The following PCDHGB3 variants were observed in gnomAD, a reference collection of about 807,000 sequenced individuals.
The protein encoded by PCDHGB3 is protocadherin gamma subfamily B, 3.
Under a neutral mutation model 59.2 loss-of-function variants are expected in PCDHGB3, and 40 were observed. The observed-to-expected ratio is 0.68, with a 90% CI of 0.52 to 0.88. The LOEUF is 0.88. Among genes scored for constraint, PCDHGB3 ranks in the 40% least tolerant of loss-of-function variants. The probability of loss-of-function intolerance (pLI) is 0.00; values close to 1 mark genes in which losing one functional copy is unlikely to be tolerated. For missense variants in PCDHGB3, 1,309 were observed against 1,187.9 expected (o/e 1.10, Z -1.50); for synonymous variants, 581 against 503.6 (o/e 1.15, Z -2.06).
At chr5:141,472,620 A>G (rs2099290656) in intron 1 of PCDHGB3, among the ~76,000 whole-genome samples, 1 of 152,136 alleles carries the variant, frequency 6.6e-6, no homozygotes, top group Admixed American at 6.5e-5. Context: ...AGAAGAAAAA[A>G]GATAAAGACT....
chr5:141,416,996 C>T (rs1280099812), intron 1 of PCDHGB3: 1 of 151,012 alleles, frequency 6.6e-6, no homozygotes. Flanking sequence ...GTGCATTCAT[C>T]TCAAATAATT....
chr5:141,440,959 G>A (rs1313315196), intron 1 of PCDHGB3: 1 of 152,216 alleles, frequency 6.6e-6, no homozygotes, highest in Non-Finnish European at 1.5e-5. Flanking sequence ...TCAAGGCAGA[G>A]ATCACATATG....
chr5:141,376,574 G>A, intron 1 of PCDHGB3: 12 of 1,598,206 alleles, frequency 7.5e-6, no homozygotes, highest in Non-Finnish European at 1.0e-5. Context: ...AATCAGACAG[G>A]CTCATCAGCT....
In PCDHGB3 at chr5:141,491,786, C is replaced by T; in HGVS notation, c.2416-3021C>T. The stretch of plus-strand genomic sequence containing the variant: ...CCTCATAAGGGATTGAACTTGCATC[C>T]ACTCCTCTCCGGCCGGCTTGGTCGC... On this transcript the variant is annotated intron_variant, in intron 1 of 3. Coordinates refer to ENST00000576222, the MANE Select transcript of PCDHGB3 (RefSeq NM_018924.5). This position sits in a 1 kb window ranked among gnomAD's most constrained non-coding sequence, Gnocchi z 6.9. The T allele has an allele frequency of 1.3e-6, 2 of 1,529,640 alleles. No individual in the cohort carries two copies. The highest frequency in any genetic ancestry group is 2.5e-5 in the South Asian group (2 of 80,832). The allele number at this position is 1,529,640 out of a possible 1,614,324, so 94.8% of individuals were successfully genotyped here.
At chr5:141,405,596 A>T (rs1024672340) in intron 1 of PCDHGB3, 2 of 578,622 alleles carry the variant, frequency 3.5e-6, no homozygotes, top group Admixed American at 6.3e-5. Flanking sequence ...AGGCCTCCCA[A>T]GTAGAATAAC....
chr5:141,384,425 C>T lies in PCDHGB3; in HGVS notation c.2415+11616C>T. ...GTGTCCTCCTATGTCTCCATAAACT[C>T]TGACACTGGAGTCCTGTACGCGCTG... On this transcript the variant is annotated intron_variant, in intron 1 of 3. Coordinates refer to ENST00000576222, the MANE Select transcript of PCDHGB3 (RefSeq NM_018924.5). 1.9e-6 allele frequency: 3 copies of T among 1,613,982 alleles called. No individual in the cohort carries two copies. The South Asian group carries it at 3.3e-5, about 18-fold the overall frequency.
intron 1 of PCDHGB3, chr5:141,389,455 G>A (rs1345301697): frequency 6.2e-7 from 1 of 1,613,044 alleles, no homozygotes; most frequent in Admixed American, 1.7e-5. Context: ...GAGCAGCTGC[G>A]CGCCTTCGAA....
Position 141,431,872 on chromosome 5 carries a change from A to G in PCDHGB3, c.2415+59063A>G, listed in dbSNP as rs2097425104. 5 of 1,614,222 alleles carry G rather than the reference A, an allele frequency of 3.1e-6. No individual in the cohort carries two copies. The highest frequency in any genetic ancestry group is 4.2e-6 in the Non-Finnish European group (5 of 1,180,002). ...GGACATTAATTGCCCTTTTAAATGT[A>G]AATGACCAAGATTCTGAGGAAAACG... On this transcript the variant is annotated intron_variant, in intron 1 of 3. Transcript: ENST00000576222. The surrounding 1 kb of genome is among the most constrained non-coding windows in gnomAD (Gnocchi z 4.8).
In PCDHGB3 at chr5:141,477,595, T is replaced by C. The variant is rs1289890776; in HGVS notation, c.2416-17212T>C. The C allele has an allele frequency of 6.2e-7, 1 of 1,614,176 alleles. No individual in the cohort carries two copies. Among genetic ancestry groups the C allele is most frequent in the Non-Finnish European group, 8.5e-7 (1 of 1,180,032 alleles). ...ACGCCCCGCAGAATGCTCGGCTTTC[T>C]TTCTTTCTCTTGGAGCAAGGAGCTG... On this transcript the variant is annotated intron_variant, in intron 1 of 3. Coordinates refer to ENST00000576222, the MANE Select transcript of PCDHGB3 (RefSeq NM_018924.5). This position sits in a 1 kb window ranked among gnomAD's most constrained non-coding sequence, Gnocchi z 4.9.
At chr5:141,468,597 T>C in intron 1 of PCDHGB3, 1 of 152,224 alleles carries the variant, frequency 6.6e-6, no homozygotes, top group East Asian at 1.9e-4. Context: ...CTGGGCGCGG[T>C]GGCTCACGCC....
rs759642890 is a variant in PCDHGB3 at position 141,389,812 on chromosome 5, C to A, written c.2415+17003C>A. ...GCCGTCCGCCAGCGCCTTCTGGTCG[C>A]CGTGCGTGACGGTGGACAGCCACCA... On this transcript the variant is annotated intron_variant, in intron 1 of 3. Transcript: ENST00000576222. 6.8e-6 allele frequency: 11 copies of A among 1,613,768 alleles called. No individual in the cohort carries two copies. The South Asian group carries it at 1.2e-4, about 18-fold the overall frequency.
At position 141,432,143 on chromosome 5, in the gene PCDHGB3, C is replaced by A; in HGVS notation, c.2415+59334C>A. The A allele has an allele frequency of 6.2e-7, 1 of 1,614,084 alleles. No homozygotes were observed. Among genetic ancestry groups the A allele is most frequent in the South Asian group, 1.1e-5 (1 of 91,068 alleles). On this transcript the variant is annotated intron_variant, in intron 1 of 3. Transcript: ENST00000576222. The surrounding 1 kb of genome is among the most constrained non-coding windows in gnomAD (Gnocchi z 6.0). ...TCAGGCCTCCTATTCCGCTTATATC[C>A]CAGAGAACAATCCCAGAGGAGTTTC... is the stretch of plus-strand genomic sequence containing the variant.
intron 1 of PCDHGB3, chr5:141,433,139 T>G: frequency 6.2e-7 from 1 of 1,614,068 alleles, no homozygotes; most frequent in Non-Finnish European, 8.5e-7. Context: ...CCTTTTGCTG[T>G]CAGGTGATTC....
At chr5:141,421,679 C>T (rs1210753842) in intron 1 of PCDHGB3, 2 of 1,613,810 alleles carry the variant, frequency 1.2e-6, no homozygotes, top group Admixed American at 1.7e-5. Context: ...ATTCCTGGGG[C>T]GCGATTTGCT....
Position 141,486,895 on chromosome 5 carries a change from C to T in PCDHGB3, c.2416-7912C>T, listed in dbSNP as rs1286004461. ...TCCGTCCTCGGGCCCGGCCTGGTTC[C>T]TTATGTCCCCAAGCACTGCCTCCAT... On this transcript the variant is annotated intron_variant, in intron 1 of 3. Coordinates refer to ENST00000576222, the MANE Select transcript of PCDHGB3 (RefSeq NM_018924.5). This position sits in a 1 kb window ranked among gnomAD's most constrained non-coding sequence, Gnocchi z 5.0. 3 of 1,614,134 alleles carry T rather than the reference C, an allele frequency of 1.9e-6. No homozygotes were observed. The highest frequency in any genetic ancestry group is 3.3e-5 in the Admixed American group (2 of 60,012).
rs367716692 is a variant in PCDHGB3 at position 141,370,811 on chromosome 5, G to A, written c.417G>A (p.Glu139=). The change falls in exon 1 of 4, where the codon GAG becomes GAA. Residue 139 remains glutamate, a synonymous_variant. Transcript: ENST00000576222. Reference sequence around the variant, plus strand: ...CGACCTTTAGCCAAAATATCACTGAGCTGGAAATCAGCGAACTGGCTCTCA... The same window carrying A: ...CGACCTTTAGCCAAAATATCACTGAACTGGAAATCAGCGAACTGGCTCTCA... ...NPPTFSQNIT[E]LEISELALTG... 14 of 1,613,898 alleles carry A rather than the reference G, an allele frequency of 8.7e-6. No individual in the cohort carries two copies. Among genetic ancestry groups the A allele is most frequent in the Non-Finnish European group, 1.2e-5 (14 of 1,179,902 alleles).
chr5:141,375,253 C>G, intron 1 of PCDHGB3: 1 of 1,613,916 alleles, frequency 6.2e-7, no homozygotes, highest in Non-Finnish European at 8.5e-7. Flanking sequence ...CGAGAAGTCT[C>G]CCATTTGAAT....
chr5:141,384,218 T>C (rs1245580303), intron 1 of PCDHGB3: 2 of 1,613,904 alleles, frequency 1.2e-6, no homozygotes, highest in Non-Finnish European at 1.7e-6. Context: ...CACATATTCA[T>C]GCAGGTGGCA....
chr5:141,463,388 C>T (rs1470533734), intron 1 of PCDHGB3, among the ~76,000 whole-genome samples: 1 of 150,092 alleles, frequency 6.7e-6, no homozygotes, highest in Non-Finnish European at 1.5e-5. Flanking sequence ...AAAGTTGTCT[C>T]CAGGCAAAAA....
Sources: allele counts gnomAD v4.1 joint callset (sites outside exome capture counted in the v4.1 genomes callset), GRCh38; gene constraint gnomAD v4.1.1; non-coding constraint Gnocchi (gnomAD v3.1); transcripts MANE v1.5; gene names NCBI Gene and HGNC (gene_info 2026-07-23, HGNC 2026-07-21).